Variants in TNR observed in about 807,000 individuals in gnomAD.
TNR encodes tenascin R.
In TNR, 45 loss-of-function variants were observed where a neutral mutation model predicts 150.4. That is an observed-to-expected ratio of 0.30 (90% CI 0.24 to 0.38). The LOEUF (loss-of-function observed/expected upper bound fraction) is 0.38. Ranked by LOEUF, TNR falls within the 10% of genes least tolerant of loss-of-function variation. The probability of loss-of-function intolerance (pLI) is 1.00; values close to 1 mark genes in which losing one functional copy is unlikely to be tolerated. For synonymous variants in TNR, 687 were observed against 678.4 expected (o/e 1.01, Z -0.20); for missense variants, 1,544 against 1,759.1 (o/e 0.88, Z 2.19).
intron 18 of TNR, among the ~76,000 whole-genome samples, chr1:175,345,318 C>A (rs890207034): frequency 6.6e-6 from 1 of 152,058 alleles, no homozygotes; most frequent in African/African-American, 2.4e-5. Flanking sequence ...GCCGATAACC[C>A]CAAAGGGACA....
intron 2 of TNR, among the ~76,000 whole-genome samples, chr1:175,416,869 G>A (rs145373989): frequency 0.071 from 10,778 of 152,108 alleles, 496 homozygotes; most frequent in South Asian, 0.14. Flanking sequence ...TTAGCCAGGC[G>A]TGGTGGCAGG....
At chr1:175,692,784 G>A (rs1666409067) in intron 1 of TNR, among the ~76,000 whole-genome samples, 1 of 152,234 alleles carries the variant, frequency 6.6e-6, no homozygotes, top group South Asian at 2.1e-4. Context: ...CTTCCTTCAA[G>A]GTGTGCAGAC....
chr1:175,634,821 C>A (rs1447154100), intron 1 of TNR, among the ~76,000 whole-genome samples: 1 of 152,160 alleles, frequency 6.6e-6, no homozygotes, highest in Non-Finnish European at 1.5e-5. Flanking sequence ...ACCACACTGT[C>A]TTTTCATAGC....
In TNR at chr1:175,503,447, C is replaced by G. The variant is rs77192449; in HGVS notation, c.-64+24822G>C. On this transcript the variant is annotated intron_variant, in intron 2 of 22. Coordinates refer to ENST00000367674, the MANE Select transcript of TNR (RefSeq NM_003285.3). The stretch of plus-strand genomic sequence containing the variant: ...TATATATATGAGAGTACTTGGTAAA[C>G]AGAAAAAGAGCTGTACAGATGAAAG... Among the ~76,000 whole-genome samples the G allele has an allele frequency of 1.0e-3, 158 of 152,108 alleles. 2 individuals carry two copies. In the East Asian group the frequency reaches 0.024, roughly 23 times the overall value.
In TNR at chr1:175,396,713, G is replaced by C. The variant is rs753183559; in HGVS notation, c.1071C>G (p.Ile357Met). Residue 357 changes from isoleucine (I) to methionine (M), a missense_variant, in exon 5 of 23, where the codon ATC becomes ATG. Transcript: ENST00000367674. ...CCCCCAGGGCCGTCGGCTGGTAAGA[G>C]ATCACATATTCCGTCACTGCCATCG... ...DGPMAVTEYV[I>M]SYQPTALGGL... 11 of 1,614,118 alleles carry C rather than the reference G, an allele frequency of 6.8e-6. No homozygotes were observed. In the East Asian group the frequency reaches 2.4e-4, roughly 36 times the overall value.
At position 175,530,523 on chromosome 1, in the gene TNR, C is replaced by A. The variant is rs115662248; in HGVS notation, c.-164-2154G>T. Among the ~76,000 whole-genome samples, 346 of 152,276 alleles carry A rather than the reference C, an allele frequency of 2.3e-3. 1 individual carries two copies. Among genetic ancestry groups the A allele is most frequent in the African/African-American group, 8.0e-3 (333 of 41,564 alleles). On this transcript the variant is annotated intron_variant, in intron 1 of 22. Coordinates refer to ENST00000367674, the MANE Select transcript of TNR (RefSeq NM_003285.3). ...TCAAAGCACCCAAATATACACCCTC[C>A]CTTTTGCTCATTTAAACCTAATTAT...
At position 175,383,670 on chromosome 1, in the gene TNR, C is replaced by A. The variant is rs116098677; in HGVS notation, c.1777+2362G>T. Among the ~76,000 whole-genome samples, 1,401 of 152,326 alleles carry A rather than the reference C, an allele frequency of 9.2e-3. 14 individuals carry two copies. Among genetic ancestry groups the A allele is most frequent in the Non-Finnish European group, 0.013 (904 of 68,030 alleles). ...TGTGCAATTAGTGCACTCCTAGTGTCGGAGCCATCACCTGGAAAAGCACTT... is the reference window on the plus strand; with the variant it reads ...TGTGCAATTAGTGCACTCCTAGTGTAGGAGCCATCACCTGGAAAAGCACTT... On this transcript the variant is annotated intron_variant, in intron 8 of 22. Coordinates refer to ENST00000367674, the MANE Select transcript of TNR (RefSeq NM_003285.3).
chr1:175,717,923 C>T (rs1271137106), intron 1 of TNR, among the ~76,000 whole-genome samples: 2 of 152,152 alleles, frequency 1.3e-5, no homozygotes, highest in Non-Finnish European at 2.9e-5. Context: ...AGCCAGCTTC[C>T]CCCAGCAAGT....
chr1:175,450,496 G>A (rs1002263060), intron 2 of TNR, among the ~76,000 whole-genome samples: 1 of 152,186 alleles, frequency 6.6e-6, no homozygotes, highest in Non-Finnish European at 1.5e-5. Flanking sequence ...CTCTGCTCTG[G>A]GCTCCCAAAG....
At chr1:175,506,649 C>A (rs929031071) in intron 2 of TNR, among the ~76,000 whole-genome samples, 2 of 152,342 alleles carry the variant, frequency 1.3e-5, no homozygotes, top group South Asian at 4.1e-4. Flanking sequence ...GGAAACGCAT[C>A]CTGCCAACAC....
intron 2 of TNR, among the ~76,000 whole-genome samples, chr1:175,429,019 C>A (rs1337726928): frequency 6.6e-6 from 1 of 152,092 alleles, no homozygotes; most frequent in South Asian, 2.1e-4. Context: ...GAAATCAGAG[C>A]CAAGGATTTA....
intron 1 of TNR, among the ~76,000 whole-genome samples, chr1:175,576,555 C>T (rs988443012): frequency 6.6e-6 from 1 of 152,132 alleles, no homozygotes; most frequent in Admixed American, 6.5e-5. Context: ...AAGGCCACTG[C>T]CCCTAGGAAT....
At chr1:175,593,853 A>G (rs1224690142) in intron 1 of TNR, among the ~76,000 whole-genome samples, 2 of 152,162 alleles carry the variant, frequency 1.3e-5, no homozygotes, top group East Asian at 3.9e-4. Context: ...TGTCCTCCCA[A>G]ACAGATGGGG....
At chr1:175,515,730 T>A (rs1659379391) in intron 2 of TNR, among the ~76,000 whole-genome samples, 1 of 152,128 alleles carries the variant, frequency 6.6e-6, no homozygotes. Flanking sequence ...GTGGGGAAAG[T>A]GTCCTGACAG....
intron 2 of TNR, among the ~76,000 whole-genome samples, chr1:175,480,440 A>G (rs1324397001): frequency 1.3e-5 from 2 of 151,636 alleles, no homozygotes; most frequent in Admixed American, 6.6e-5. Flanking sequence ...AGAAAGAAAG[A>G]AAGAGAAAGA....
Position 175,483,932 on chromosome 1 carries a change from G to C in TNR, c.-64+44337C>G, listed in dbSNP as rs74127309. On this transcript the variant is annotated intron_variant, in intron 2 of 22. Coordinates refer to ENST00000367674, the MANE Select transcript of TNR (RefSeq NM_003285.3). ...TGACTGTCTTGGGACTCTTCTGCAA[G>C]ATTTCCATGGTTCCAGCACTACCCT... Among the ~76,000 whole-genome samples, 534 of 152,300 alleles carry C rather than the reference G, an allele frequency of 3.5e-3. 1 individual carries two copies. Among genetic ancestry groups the C allele is most frequent in the African/African-American group, 0.012 (512 of 41,556 alleles).
At chr1:175,355,134 T>C (rs771888515) in intron 17 of TNR, among the ~76,000 whole-genome samples, 11 of 152,228 alleles carry the variant, frequency 7.2e-5, no homozygotes, top group Non-Finnish European at 1.3e-4. Context: ...TCCAATATCA[T>C]GTACTTGGGA....
At chr1:175,362,612 C>T in intron 14 of TNR, 51 bp downstream of exon 14, 1 of 1,593,534 alleles carries the variant, frequency 6.3e-7, no homozygotes, top group Non-Finnish European at 8.6e-7. Flanking sequence ...ACAACTTCAC[C>T]CAGATCTTCA....
intron 1 of TNR, among the ~76,000 whole-genome samples, chr1:175,670,614 C>T (rs747160085): frequency 3.9e-5 from 6 of 152,192 alleles, no homozygotes; most frequent in South Asian, 2.1e-4. Flanking sequence ...AGGCCCAGGT[C>T]GCTGGGGACA....
Sources: gnomAD v4.1 joint callset for allele counts (sites outside exome capture counted in the v4.1 genomes callset) on GRCh38, gnomAD v4.1.1 for gene constraint, MANE v1.5 for transcripts, NCBI Gene and HGNC (gene_info 2026-07-23, HGNC 2026-07-21) for gene names.